Variants in OSMR observed in about 807,000 individuals in gnomAD.
OSMR encodes oncostatin-M-specific receptor subunit beta.
OSMR carries 81 observed loss-of-function variants against 99.9 expected under a neutral mutation model. The observed-to-expected ratio is 0.81, with a 90% CI of 0.68 to 0.97. OSMR has a LOEUF of 0.97. Among genes scored for constraint, OSMR ranks in the 50% least tolerant of loss-of-function variants. The probability of loss-of-function intolerance (pLI) is 0.00; values close to 1 mark genes in which losing one functional copy is unlikely to be tolerated. For synonymous variants in OSMR, 406 were observed against 410.4 expected, an observed-to-expected ratio of 0.99 and a Z score of 0.13; for missense variants, 1,099 against 1,153.4, an observed-to-expected ratio of 0.95 and a Z score of 0.68.
chr5:38,888,816 T>C (rs945697682), intron 7 of OSMR, among the ~76,000 whole-genome samples: 7 of 152,194 alleles, frequency 4.6e-5, no homozygotes, highest in Non-Finnish European at 1.0e-4. Flanking sequence ...ATTTTGATTA[T>C]CTGAAATTTA....
At chr5:38,911,928 G>A (rs1335787876) in intron 9 of OSMR, among the ~76,000 whole-genome samples, 1 of 151,932 alleles carries the variant, frequency 6.6e-6, no homozygotes. Context: ...TAAGAGCCTA[G>A]ATCTATGACA....
At chr5:38,927,603 G>A (rs750711866) in intron 15 of OSMR, among the ~76,000 whole-genome samples, 7 of 152,170 alleles carry the variant, frequency 4.6e-5, no homozygotes, top group Non-Finnish European at 7.4e-5. Flanking sequence ...GCAGCCCTGG[G>A]CTCAGCCCAG....
intron 8 of OSMR, 118 bp from the exon 9 acceptor site, chr5:38,904,235 C>A: frequency 2.6e-6 from 4 of 1,541,718 alleles, no homozygotes; most frequent in Non-Finnish European, 3.5e-6. Flanking sequence ...AAGAACTGAT[C>A]TTACTCCAGG....
chr5:38,850,438 G>C (rs960704980), intron 1 of OSMR, among the ~76,000 whole-genome samples: 1 of 152,066 alleles, frequency 6.6e-6, no homozygotes, highest in Non-Finnish European at 1.5e-5. Flanking sequence ...AAAGAAAGAG[G>C]GTTGGTGAGA....
At chr5:38,895,657 A>G (rs2112482051) in intron 7 of OSMR, among the ~76,000 whole-genome samples, 1 of 151,878 alleles carries the variant, frequency 6.6e-6, no homozygotes, top group East Asian at 1.9e-4. Flanking sequence ...ATGAGATTCT[A>G]TTTGTCCATT....
chr5:38,882,755 T>C (rs756462813), intron 4 of OSMR, among the ~76,000 whole-genome samples: 4 of 152,222 alleles, frequency 2.6e-5, no homozygotes, highest in Non-Finnish European at 5.9e-5. Context: ...AATAATTGAA[T>C]TAAATCTATG....
chr5:38,884,045 A>G lies in OSMR; in HGVS notation c.637A>G (p.Ile213Val). The G allele has an allele frequency of 6.2e-7, 1 of 1,614,036 alleles. No individual in the cohort carries two copies. Among genetic ancestry groups the G allele is most frequent in the Non-Finnish European group, 8.5e-7 (1 of 1,179,876 alleles). ...TTTCATTAGGAATAAAGGGACAAAT[A>G]TCTATTGTGAGGCAAGTCAAGGAAA... is the stretch of plus-strand genomic sequence containing the variant. ...VPFIRNKGTN[I>V]YCEASQGNVS... Residue 213 changes from isoleucine (I) to valine (V), a missense_variant, in exon 5 of 18, where the codon ATC becomes GTC. Physicochemically the swap from Ile to Val is conservative, Grantham distance 29. Coordinates refer to ENST00000274276, the MANE Select transcript of OSMR (RefSeq NM_003999.3).
At chr5:38,855,139 C>A (rs1030586999) in intron 1 of OSMR, among the ~76,000 whole-genome samples, 1 of 152,156 alleles carries the variant, frequency 6.6e-6, no homozygotes. Flanking sequence ...ACCCTTGAGG[C>A]AAGCTAGGAA....
chr5:38,885,907 G>T, intron 6 of OSMR, 132 bp from the exon 7 acceptor site: 1 of 1,474,162 alleles, frequency 6.8e-7, no homozygotes, highest in South Asian at 1.4e-5. Flanking sequence ...TGTTGGTGAT[G>T]GATGGATCAA....
In OSMR at chr5:38,918,824, T is replaced by A; in HGVS notation, c.1363-16T>A. 6.2e-7 allele frequency: 1 copy of A among 1,613,478 alleles called. No individual in the cohort carries two copies. Among genetic ancestry groups the A allele is most frequent in the South Asian group, 1.1e-5 (1 of 91,038 alleles). On this transcript the variant is annotated splice_polypyrimidine_tract_variant and intron_variant, in intron 10 of 17. Coordinates refer to ENST00000274276, the MANE Select transcript of OSMR (RefSeq NM_003999.3). ...ATTAAAACCCATTTAAAAATGTTTA[T>A]CAATATTTTTTTCAGCCATTATCAA...
At chr5:38,942,460 T>C in intron 1 of OSMR, 1 of 756,190 alleles carries the variant, frequency 1.3e-6, no homozygotes, top group Non-Finnish European at 2.0e-6. Flanking sequence ...TAATTTTTTT[T>C]TTTTTTTGAG....
In OSMR at chr5:38,923,269, T is replaced by A. The variant is rs771890934; in HGVS notation, c.1870+15T>A. 3 of 1,443,410 alleles carry A rather than the reference T, an allele frequency of 2.1e-6. No individual in the cohort carries two copies. Among genetic ancestry groups the A allele is most frequent in the African/African-American group, 1.4e-5 (1 of 71,532 alleles). The allele number at this position is 1,443,410 out of a possible 1,614,324, so 89.4% of individuals were successfully genotyped here. A position where few individuals can be genotyped will look rare whatever the true frequency, so the allele number is the denominator to read the frequency against. On this transcript the variant is annotated intron_variant, in intron 13 of 17. Coordinates refer to ENST00000274276, the MANE Select transcript of OSMR (RefSeq NM_003999.3). ...TCAGGAACTTGGTAAGTTTAAAGCATGTAATGTGCCCCATGTGCAGACTTG... is the reference window on the plus strand; with the variant it reads ...TCAGGAACTTGGTAAGTTTAAAGCAAGTAATGTGCCCCATGTGCAGACTTG...
intron 7 of OSMR, among the ~76,000 whole-genome samples, chr5:38,901,618 G>C (rs1744895536): frequency 6.6e-6 from 1 of 152,202 alleles, no homozygotes; most frequent in Admixed American, 6.5e-5. Flanking sequence ...GCTGCTTCAA[G>C]CAACTTATAT....
intron 1 of OSMR, among the ~76,000 whole-genome samples, chr5:38,862,484 G>A (rs567484732): frequency 1.9e-4 from 29 of 151,454 alleles, no homozygotes; most frequent in South Asian, 1.0e-3. Flanking sequence ...CTTCCCAGAC[G>A]GGGTGGCTGC....
At chr5:38,870,026 A>T (rs1181305319) in intron 2 of OSMR, among the ~76,000 whole-genome samples, 1 of 152,094 alleles carries the variant, frequency 6.6e-6, no homozygotes, top group Non-Finnish European at 1.5e-5. Context: ...CCATGAAAAT[A>T]TATTTGGAAA....
chr5:38,876,261 G>C lies in OSMR; in HGVS notation c.134G>C (p.Arg45Pro), dbSNP rs147223683. The C allele has an allele frequency of 5.6e-6, 9 of 1,613,456 alleles. No individual in the cohort carries two copies. The East Asian group carries it at 1.6e-4, about 28-fold the overall frequency. ...VSLKVSTNST[R>P]QSLHLQWTVH... ...CTTAAAGTTTCCACCAATTCTACGCGTCAGAGTTTGCACTTACAATGGACT... is the reference window on the plus strand; with the variant it reads ...CTTAAAGTTTCCACCAATTCTACGCCTCAGAGTTTGCACTTACAATGGACT... The change falls in exon 3 of 18, where the codon CGT (arginine) becomes CCT (proline). Residue 45 changes from arginine (R) to proline (P), a missense_variant. By Grantham distance (103) the Arg-to-Pro change is moderately radical. Coordinates refer to ENST00000274276, the MANE Select transcript of OSMR (RefSeq NM_003999.3).
chr5:38,944,350 A>C, intron 2 of OSMR: 2 of 1,270,076 alleles, frequency 1.6e-6, no homozygotes, highest in South Asian at 2.5e-5. Flanking sequence ...CTACTGATGT[A>C]AGTTAACTAG....
At chr5:38,855,352 C>T (rs1249759910) in intron 1 of OSMR, among the ~76,000 whole-genome samples, 1 of 152,166 alleles carries the variant, frequency 6.6e-6, no homozygotes, top group Non-Finnish European at 1.5e-5. Context: ...GGACCACTCC[C>T]AGACCTTCAA....
chr5:38,923,432 A>G (rs1264128962), intron 13 of OSMR, among the ~76,000 whole-genome samples, 178 bp downstream of exon 13: 1 of 152,138 alleles, frequency 6.6e-6, no homozygotes, highest in East Asian at 1.9e-4. Flanking sequence ...ATTTTCATTA[A>G]TTCTCATTGC....
Sources: gnomAD v4.1 joint callset for allele counts (sites outside exome capture counted in the v4.1 genomes callset) on GRCh38, gnomAD v4.1.1 for gene constraint, MANE v1.5 for transcripts, NCBI Gene and HGNC (gene_info 2026-07-23, HGNC 2026-07-21) for gene names.